The following TRRAP variants were observed in gnomAD, a reference collection of about 807,000 sequenced individuals.
TRRAP encodes the protein transformation/transcription domain-associated protein.
A neutral mutation model predicts 438.8 loss-of-function variants in TRRAP; 41 were observed. The ratio of observed to expected loss-of-function variants is 0.09; its 90% CI spans 0.07 to 0.12. The LOEUF is 0.12. Ranked by LOEUF, TRRAP falls within the 10% of genes least tolerant of loss-of-function variation. The pLI is 1.00. For missense variants in TRRAP, 3,122 were observed against 5,055.1 expected, an observed-to-expected ratio of 0.62 and a Z score of 11.60; for synonymous variants, 1,994 against 1,962.9, an observed-to-expected ratio of 1.02 and a Z score of -0.42.
At chr7:98,985,749 C>T (rs1793122378) in intron 62 of TRRAP, among the ~76,000 whole-genome samples, 1 of 152,198 alleles carries the variant, frequency 6.6e-6, no homozygotes, top group Non-Finnish European at 1.5e-5. Context: ...AATTAGGAAG[C>T]AGTTTTGTCA....
Position 98,978,199 on chromosome 7 carries a change from A to T in TRRAP, c.8386-12A>T. Reference sequence around the variant, plus strand: ...AGTTAAACAGTGATTTAAAAACATTAACTTTTTTTAGGCACAAGAATCCTA... The same window carrying T: ...AGTTAAACAGTGATTTAAAAACATTTACTTTTTTTAGGCACAAGAATCCTA... On this transcript the variant is annotated splice_polypyrimidine_tract_variant and intron_variant, in intron 56 of 72. Coordinates refer to ENST00000456197, the MANE Select transcript of TRRAP (RefSeq NM_001375524.1). The T allele has an allele frequency of 6.2e-7, 1 of 1,601,512 alleles. No homozygotes were observed. Among genetic ancestry groups the T allele is most frequent in the South Asian group, 1.1e-5 (1 of 89,934 alleles).
At chr7:98,923,020 A>G (rs1554410878) in intron 21 of TRRAP, among the ~76,000 whole-genome samples, 1 of 152,026 alleles carries the variant, frequency 6.6e-6, no homozygotes. Flanking sequence ...AACTTCCTCA[A>G]GCCTATGCCT....
At chr7:98,881,571 C>CAAAAA in intron 2 of TRRAP, 1 of 122,892 alleles carries the variant, frequency 8.1e-6, no homozygotes, top group Non-Finnish European at 1.7e-5. Context: ...GACTCCCTCT[C>CAAAAA]AAAAAAAAAA....
chr7:99,012,494 GTTTGCGTGTAAGAAAGGGAGAATATAGT>G lies in TRRAP; in HGVS notation c.*143_*170del. The G allele has an allele frequency of 9.4e-7, 1 of 1,059,020 alleles. No individual in the cohort carries two copies. Among genetic ancestry groups the G allele is most frequent in the Non-Finnish European group, 1.3e-6 (1 of 753,922 alleles). The allele number at this position is 1,059,020 out of a possible 1,614,324, so 65.6% of individuals were successfully genotyped here. ...CTGGGTTGCGGTTATTTTCCTGGTAGTTTGCGTGTAAGAAAGGGAGAATATAGTTTTAGAGGAAGCTGAACTATGACGA... is the reference window on the plus strand; with the variant it reads ...CTGGGTTGCGGTTATTTTCCTGGTAGTTTAGAGGAAGCTGAACTATGACGA... On this transcript the variant is annotated 3_prime_UTR_variant, in exon 73 of 73. Coordinates refer to ENST00000456197, the MANE Select transcript of TRRAP (RefSeq NM_001375524.1). The surrounding 1 kb of genome is among the most constrained non-coding windows in gnomAD (Gnocchi z 5.9).
chr7:98,903,367 C>T lies in TRRAP; in HGVS notation c.898-12C>T. 1 of 1,614,022 alleles carries T rather than the reference C, an allele frequency of 6.2e-7. No homozygotes were observed. On this transcript the variant is annotated splice_polypyrimidine_tract_variant and intron_variant, in intron 11 of 72. Coordinates refer to ENST00000456197, the MANE Select transcript of TRRAP (RefSeq NM_001375524.1). Reference sequence around the variant, plus strand: ...ATCCCTGTAACTGTGTCATCTCACTCTGTTCTTACAGGAGTTGGTGACTAA... The same window carrying T: ...ATCCCTGTAACTGTGTCATCTCACTTTGTTCTTACAGGAGTTGGTGACTAA...
chr7:98,911,469 C>T (rs529262908), intron 17 of TRRAP, among the ~76,000 whole-genome samples, 198 bp downstream of exon 17: 25 of 152,250 alleles, frequency 1.6e-4, no homozygotes, highest in Non-Finnish European at 3.2e-4. Context: ...CAGTTCCTTT[C>T]GTTAGTAGAA....
In TRRAP at chr7:98,908,734, C is replaced by T. The variant is rs34217696; in HGVS notation, c.1122C>T (p.Leu374=). ...GYTARETLRP[L]AYSTLADLVH... is the part of the protein sequence containing the mutation. Reference sequence around the variant, plus strand: ...TCGAGGTCTCTGCCCGCAGGCCCCTCGCCTACAGCACGCTGGCCGACCTCG... The same window carrying T: ...TCGAGGTCTCTGCCCGCAGGCCCCTTGCCTACAGCACGCTGGCCGACCTCG... The change falls in exon 14 of 73, where the codon CTC becomes CTT. Residue 374 remains leucine (L), a synonymous_variant. Transcript: ENST00000456197. The surrounding 1 kb of genome is among the most constrained non-coding windows in gnomAD (Gnocchi z 4.1). 7.9e-5 allele frequency: 122 copies of T among 1,549,128 alleles called. No homozygotes were observed. The highest frequency in any genetic ancestry group is 2.1e-4 in the African/African-American group (15 of 73,106).
intron 31 of TRRAP, among the ~76,000 whole-genome samples, chr7:98,944,109 C>G (rs1414931894): frequency 6.6e-6 from 1 of 152,126 alleles, no homozygotes; most frequent in African/African-American, 2.4e-5. Flanking sequence ...AGGAACTCTT[C>G]GTGGAGGAGA....
At chr7:98,954,025 A>G (rs909093627) in intron 40 of TRRAP, among the ~76,000 whole-genome samples, 1 of 152,250 alleles carries the variant, frequency 6.6e-6, no homozygotes, top group Non-Finnish European at 1.5e-5. Flanking sequence ...GGCAGATGTT[A>G]TAATATTCAA....
chr7:98,903,285 G>T, intron 11 of TRRAP, 94 bp from the exon 12 acceptor site: 2 of 1,522,178 alleles, frequency 1.3e-6, no homozygotes, highest in South Asian at 1.3e-5. Context: ...GCCTCCCAAA[G>T]GTCTTACTGA....
rs530582236 is a variant in TRRAP at position 98,956,676 on chromosome 7, T to C, written c.6231+143T>C. The C allele has an allele frequency of 1.2e-5, 17 of 1,373,466 alleles. No individual in the cohort carries two copies. In the East Asian group the frequency reaches 3.1e-4, roughly 25 times the overall value. 85.1% of individuals were successfully genotyped at this position (1,373,466 alleles called of 1,614,324 possible). A position where few individuals can be genotyped will look rare whatever the true frequency, so the allele number is the denominator to read the frequency against. On this transcript the variant is annotated intron_variant, in intron 43 of 72. Transcript: ENST00000456197. The surrounding 1 kb of genome is among the most constrained non-coding windows in gnomAD (Gnocchi z 4.5). Reference sequence around the variant, plus strand: ...ACAGCCACGGTCACCAGATTGAAACTCCAGGACATGTCACTCATGCAAGGG... The same window carrying C: ...ACAGCCACGGTCACCAGATTGAAACCCCAGGACATGTCACTCATGCAAGGG...
chr7:99,002,479 A>G (rs898246811), intron 67 of TRRAP, among the ~76,000 whole-genome samples: 4 of 152,178 alleles, frequency 2.6e-5, no homozygotes, highest in Non-Finnish European at 4.4e-5. Flanking sequence ...TCAGAATAAA[A>G]GTTAAAAAGA....
chr7:98,932,536 C>T (rs1341227388), intron 26 of TRRAP, among the ~76,000 whole-genome samples: 1 of 151,848 alleles, frequency 6.6e-6, no homozygotes, highest in African/African-American at 2.4e-5. Context: ...TAAAGATGGG[C>T]TCTCACTATG....
chr7:98,975,958 G>A, intron 53 of TRRAP, 191 bp from the exon 54 acceptor site: 1 of 692,224 alleles, frequency 1.4e-6, no homozygotes, highest in Admixed American at 3.3e-5. Context: ...GCTGCTAAGT[G>A]CACCATGGCT....
At chr7:98,987,323 C>T (rs1384489899) in intron 62 of TRRAP, among the ~76,000 whole-genome samples, 1 of 152,218 alleles carries the variant, frequency 6.6e-6, no homozygotes, top group African/African-American at 2.4e-5. Context: ...ATTTTGCCAT[C>T]TGAAGCAAGT....
At chr7:99,001,223 A>G (rs1428711130) in intron 67 of TRRAP, among the ~76,000 whole-genome samples, 1 of 152,098 alleles carries the variant, frequency 6.6e-6, no homozygotes, top group Non-Finnish European at 1.5e-5. Flanking sequence ...CCTGTTCGTG[A>G]TGTGTGGGTT....
intron 5 of TRRAP, among the ~76,000 whole-genome samples, chr7:98,892,948 C>T (rs1796040844): frequency 6.6e-6 from 1 of 152,000 alleles, no homozygotes; most frequent in African/African-American, 2.4e-5. Context: ...TCTTGCTTCT[C>T]TTAGTCTTTC....
chr7:98,898,910 G>A (rs1554406189), intron 8 of TRRAP, among the ~76,000 whole-genome samples: 2 of 152,108 alleles, frequency 1.3e-5, no homozygotes, highest in African/African-American at 2.4e-5. Flanking sequence ...CCTTTAGGCC[G>A]GGCACGGTAG....
At chr7:98,909,163 A>C (rs1796935762) in intron 14 of TRRAP, among the ~76,000 whole-genome samples, 1 of 151,650 alleles carries the variant, frequency 6.6e-6, no homozygotes, top group African/African-American at 2.4e-5. Context: ...AGCTGGGATT[A>C]TAGGCATGCA....
Sources: allele counts gnomAD v4.1 joint callset (sites outside exome capture counted in the v4.1 genomes callset), GRCh38; gene constraint gnomAD v4.1.1; non-coding constraint Gnocchi (gnomAD v3.1); transcripts MANE v1.5; gene names NCBI Gene and HGNC (gene_info 2026-07-23, HGNC 2026-07-21).